The following LY86 variants were observed in gnomAD, a reference collection of about 807,000 sequenced individuals.
LY86 encodes lymphocyte antigen 86.
A neutral mutation model predicts 17.3 loss-of-function variants in LY86; 20 were observed. The ratio of observed to expected loss-of-function variants is 1.15; its 90% CI spans 0.81 to 1.68. LY86 has a LOEUF of 1.68. Among genes scored for constraint, LY86 ranks in the 40% most tolerant of loss-of-function variants. The pLI is 0.00. For missense variants in LY86, 200 were observed against 191.9 expected (o/e 1.04, Z -0.25); for synonymous variants, 74 against 70.6 (o/e 1.05, Z -0.24).
chr6:6,612,019 T>C (rs796265617), intron 1 of LY86, among the ~76,000 whole-genome samples: 8 of 53,324 alleles, frequency 1.5e-4, no homozygotes, highest in African/African-American at 1.0e-3. Context: ...AAATAATCTT[T>C]GTGGTCTCTT....
At chr6:6,613,191 A>C (rs866758774) in intron 1 of LY86, among the ~76,000 whole-genome samples, 1 of 152,128 alleles carries the variant, frequency 6.6e-6, no homozygotes, top group South Asian at 2.1e-4. Context: ...TTCCCACCAG[A>C]CTCAGGAGCC....
At chr6:6,649,008 AC>A (rs1656383778) in intron 3 of LY86, among the ~76,000 whole-genome samples, 1 of 152,164 alleles carries the variant, frequency 6.6e-6, no homozygotes, top group African/African-American at 2.4e-5. Context: ...TCATTTTCAT[AC>A]CACTATGAAG....
chr6:6,643,671 T>C (rs4960224), intron 3 of LY86, among the ~76,000 whole-genome samples: 98,755 of 152,130 alleles, frequency 0.65, 33,305 homozygotes, highest in African/African-American at 0.84. Context: ...CAAACACACA[T>C]GCACGCACAC....
At chr6:6,643,922 A>G (rs944219199) in intron 3 of LY86, among the ~76,000 whole-genome samples, 3 of 152,256 alleles carry the variant, frequency 2.0e-5, no homozygotes, top group Admixed American at 2.0e-4. Flanking sequence ...TACTGGGCCC[A>G]GCAGGTGGGA....
intron 1 of LY86, among the ~76,000 whole-genome samples, chr6:6,610,127 A>G (rs965893613): frequency 9.9e-5 from 15 of 152,196 alleles, no homozygotes; most frequent in African/African-American, 3.4e-4. Flanking sequence ...AACCCTGCAT[A>G]GAACTACAAG....
rs571637794 is a variant in LY86 at position 6,635,574 on chromosome 6, G to A, written c.352+9153G>A. 2.6e-5 allele frequency among the ~76,000 whole-genome samples: 4 copies of A among 152,168 alleles called. No homozygotes were observed. In the East Asian group the frequency reaches 7.7e-4, roughly 29 times the overall value. ...ATTGTCTACTGTACATGTTTTCTAG[G>A]GTATCACCTATGTTATACTTGTTTG... On this transcript the variant is annotated intron_variant, in intron 3 of 4. Transcript: ENST00000230568.
chr6:6,592,523 G>A (rs1182424485), intron 1 of LY86, among the ~76,000 whole-genome samples: 2 of 152,222 alleles, frequency 1.3e-5, no homozygotes, highest in Admixed American at 6.5e-5. Context: ...AAGAAGCAGG[G>A]TGAGGGGAAG....
At chr6:6,605,344 T>A (rs9504866) in intron 1 of LY86, among the ~76,000 whole-genome samples, 1,626 of 152,342 alleles carry the variant, frequency 0.011, 25 homozygotes, top group African/African-American at 0.036. Context: ...GAAAAGGTGA[T>A]GAAGTAGTCA....
At chr6:6,605,270 C>T (rs1188493799) in intron 1 of LY86, among the ~76,000 whole-genome samples, 1 of 113,258 alleles carries the variant, frequency 8.8e-6, no homozygotes, top group Admixed American at 1.0e-4. Flanking sequence ...GCATTATCAC[C>T]TCACCTCACA....
chr6:6,595,446 G>A (rs897790524), intron 1 of LY86, among the ~76,000 whole-genome samples: 17 of 150,374 alleles, frequency 1.1e-4, no homozygotes, highest in Non-Finnish European at 1.8e-4. Flanking sequence ...AGGGGGGAGT[G>A]GAAAAAGAAG....
intron 1 of LY86, among the ~76,000 whole-genome samples, chr6:6,616,590 A>G (rs1218304321): frequency 6.6e-6 from 1 of 152,238 alleles, no homozygotes; most frequent in Non-Finnish European, 1.5e-5. Context: ...ATCCAGCACC[A>G]TCAATGAGCA....
chr6:6,590,659 C>T (rs905212887), intron 1 of LY86, among the ~76,000 whole-genome samples: 10 of 152,258 alleles, frequency 6.6e-5, no homozygotes, highest in Non-Finnish European at 7.4e-5. Context: ...CTTGTGCAAA[C>T]GCATGGCATT....
intron 3 of LY86, among the ~76,000 whole-genome samples, chr6:6,637,750 A>C (rs761333518): frequency 2.6e-5 from 4 of 152,150 alleles, no homozygotes; most frequent in Non-Finnish European, 5.9e-5. Flanking sequence ...CTGTTTGTTT[A>C]GCTTTCCAGT....
intron 1 of LY86, among the ~76,000 whole-genome samples, chr6:6,601,025 AG>A: frequency 6.6e-6 from 1 of 152,198 alleles, no homozygotes; most frequent in East Asian, 1.9e-4. Flanking sequence ...AAAATACCTG[AG>A]GGGAAAACTG....
intron 1 of LY86, among the ~76,000 whole-genome samples, chr6:6,621,694 G>A (rs992159230): frequency 6.6e-6 from 1 of 152,204 alleles, no homozygotes; most frequent in Non-Finnish European, 1.5e-5. Context: ...AATGTCAATA[G>A]TGATGACATT....
At chr6:6,629,244 A>G (rs2113144822) in intron 3 of LY86, among the ~76,000 whole-genome samples, 1 of 152,382 alleles carries the variant, frequency 6.6e-6, no homozygotes, top group East Asian at 1.9e-4. Flanking sequence ...CAGAAAAGTG[A>G]TATACAAATG....
At chr6:6,603,064 C>T (rs933130574) in intron 1 of LY86, among the ~76,000 whole-genome samples, 2 of 152,090 alleles carry the variant, frequency 1.3e-5, no homozygotes, top group South Asian at 2.1e-4. Context: ...TCACTCTCTG[C>T]TTTACAGATG....
intron 1 of LY86, among the ~76,000 whole-genome samples, chr6:6,594,734 C>T (rs1378736981): frequency 6.6e-6 from 1 of 152,180 alleles, no homozygotes; most frequent in East Asian, 1.9e-4. Context: ...GTCATAATAA[C>T]CTCTCCCTTC....
intron 1 of LY86, among the ~76,000 whole-genome samples, chr6:6,612,538 A>G (rs921289872): frequency 6.6e-6 from 1 of 152,232 alleles, no homozygotes; most frequent in Non-Finnish European, 1.5e-5. Context: ...CCAACCACAC[A>G]AAAGCAACGA....
Sources: gnomAD v4.1 joint callset for allele counts (sites outside exome capture counted in the v4.1 genomes callset) on GRCh38, gnomAD v4.1.1 for gene constraint, MANE v1.5 for transcripts, NCBI Gene and HGNC (gene_info 2026-07-23, HGNC 2026-07-21) for gene names.